Variants in BNC2 observed in about 807,000 individuals in gnomAD.
The protein encoded by BNC2 is basonuclin zinc finger protein 2.
A neutral mutation model predicts 76.3 loss-of-function variants in BNC2; 20 were observed. The ratio of observed to expected loss-of-function variants is 0.26; its 90% CI spans 0.18 to 0.38. BNC2 has a LOEUF of 0.38. BNC2 is among the 10% of genes least tolerant of loss of function. The probability of loss-of-function intolerance (pLI) is 1.00; values close to 1 mark genes in which losing one functional copy is unlikely to be tolerated. For synonymous variants in BNC2, 582 were observed against 514.8 expected (o/e 1.13, Z -1.77); for missense variants, 1,382 against 1,399.8 (o/e 0.99, Z 0.20).
intron 1 of BNC2, among the ~76,000 whole-genome samples, chr9:16,777,079 T>C (rs1825989442): frequency 1.3e-5 from 2 of 152,004 alleles, no homozygotes; most frequent in South Asian, 4.2e-4. Flanking sequence ...TGAGCCGAGA[T>C]GGCGCCACTA....
chr9:16,606,056 T>C (rs534638654), intron 3 of BNC2, among the ~76,000 whole-genome samples: 1 of 152,272 alleles, frequency 6.6e-6, no homozygotes, highest in East Asian at 1.9e-4. Flanking sequence ...GAACTTTTTT[T>C]AAACAAGCCA....
At chr9:16,832,620 G>A (rs150755419) in intron 1 of BNC2, among the ~76,000 whole-genome samples, 9 of 152,276 alleles carry the variant, frequency 5.9e-5, no homozygotes, top group Admixed American at 4.6e-4. Flanking sequence ...CATACAGCAC[G>A]TTAATTCCCA....
intron 4 of BNC2, among the ~76,000 whole-genome samples, chr9:16,563,714 T>C (rs933482080): frequency 1.3e-5 from 2 of 152,216 alleles, no homozygotes; most frequent in African/African-American, 2.4e-5. Flanking sequence ...GTTACAGCTG[T>C]AGAAATGAAA....
chr9:16,849,648 C>T (rs1267712185), intron 1 of BNC2, among the ~76,000 whole-genome samples: 1 of 152,146 alleles, frequency 6.6e-6, no homozygotes, highest in Non-Finnish European at 1.5e-5. Context: ...CGTGAGCCAC[C>T]GCACCTGACC....
At chr9:16,481,940 A>C (rs2131528860) in intron 5 of BNC2, among the ~76,000 whole-genome samples, 1 of 152,340 alleles carries the variant, frequency 6.6e-6, no homozygotes, top group East Asian at 1.9e-4. Flanking sequence ...CTTAGTACCA[A>C]CTTCACGGGA....
chr9:16,615,711 A>C (rs1248826899), intron 3 of BNC2, among the ~76,000 whole-genome samples: 1 of 152,204 alleles, frequency 6.6e-6, no homozygotes, highest in Non-Finnish European at 1.5e-5. Context: ...ATTTATATTA[A>C]ATAAATTTGT....
chr9:16,599,472 G>A (rs528783234), intron 3 of BNC2, among the ~76,000 whole-genome samples: 2 of 152,130 alleles, frequency 1.3e-5, no homozygotes, highest in East Asian at 3.9e-4. Context: ...CCCTCAACTT[G>A]TCTTTAAGTA....
chr9:16,680,574 TA>T (rs370833130), intron 3 of BNC2, among the ~76,000 whole-genome samples: 2,285 of 139,508 alleles, frequency 0.016, 28 homozygotes, highest in South Asian at 0.036. Flanking sequence ...TTTAAATGTT[TA>T]AAAAAAAAAA....
In BNC2 at chr9:16,738,480, G is replaced by C; in HGVS notation, c.9C>G (p.His3Gln). 6.2e-7 allele frequency: 1 copy of C among 1,613,970 alleles called. No homozygotes were observed. Among genetic ancestry groups the C allele is most frequent in the Non-Finnish European group, 8.5e-7 (1 of 1,179,936 alleles). ...TATGTGGAGGTGGGGTGGGCCCAAGGTGTGCCTATTGAGAGATTGGGAAAG... is the reference window on the plus strand; with the variant it reads ...TATGTGGAGGTGGGGTGGGCCCAAGCTGTGCCTATTGAGAGATTGGGAAAG... MA[H>Q]LGPTPPPHSL... is the part of the protein sequence containing the mutation. Residue 3 changes from histidine to glutamine, a missense_variant, in exon 2 of 7, where the codon CAC becomes CAG. His to Gln is a conservative substitution (Grantham distance 24). Around this residue, in one of 3 missense-constraint regions of BNC2, gnomAD observed 557 missense variants for 540.9 expected, o/e 1.03. Transcript: ENST00000380672.
intron 1 of BNC2, among the ~76,000 whole-genome samples, chr9:16,754,231 T>G (rs1825309536): frequency 6.6e-6 from 1 of 152,220 alleles, no homozygotes; most frequent in Non-Finnish European, 1.5e-5. Flanking sequence ...CAGCTCACAG[T>G]CAGTCATCAC....
intron 3 of BNC2, among the ~76,000 whole-genome samples, chr9:16,695,506 T>A (rs1434307680): frequency 6.6e-6 from 1 of 150,966 alleles, no homozygotes; most frequent in Non-Finnish European, 1.5e-5. Flanking sequence ...GAAGTGATTC[T>A]TTTTAGCTAA....
intron 3 of BNC2, among the ~76,000 whole-genome samples, chr9:16,694,107 C>T (rs532558583): frequency 2.0e-5 from 3 of 152,178 alleles, no homozygotes; most frequent in Admixed American, 6.5e-5. Context: ...AAAATACATC[C>T]GTCTGAGTTG....
At chr9:16,861,824 C>T (rs1239134312) in intron 1 of BNC2, among the ~76,000 whole-genome samples, 1 of 152,098 alleles carries the variant, frequency 6.6e-6, no homozygotes, top group Admixed American at 6.5e-5. Context: ...AACGTCTCTA[C>T]TAAAAATACA....
intron 1 of BNC2, among the ~76,000 whole-genome samples, chr9:16,774,216 G>A (rs182715418): frequency 8.1e-4 from 124 of 152,198 alleles, no homozygotes; most frequent in African/African-American, 2.8e-3. Flanking sequence ...GCCTGACCTC[G>A]AGTGATCGGC....
chr9:16,561,712 G>C (rs1451203249), intron 4 of BNC2, among the ~76,000 whole-genome samples: 1 of 152,158 alleles, frequency 6.6e-6, no homozygotes, highest in Non-Finnish European at 1.5e-5. Flanking sequence ...ATTATTAAAA[G>C]AATTAATAGG....
chr9:16,609,104 ACT>A (rs1159350337), intron 3 of BNC2, among the ~76,000 whole-genome samples: 1 of 152,058 alleles, frequency 6.6e-6, no homozygotes, highest in East Asian at 1.9e-4. Flanking sequence ...GGCTTGGCTA[ACT>A]CTGATCACTG....
chr9:16,648,815 A>C (rs182773972), intron 3 of BNC2, among the ~76,000 whole-genome samples: 3 of 152,272 alleles, frequency 2.0e-5, no homozygotes, highest in Admixed American at 2.0e-4. Context: ...ACTCATCTCC[A>C]TTTGCAATTC....
intron 5 of BNC2, among the ~76,000 whole-genome samples, chr9:16,484,302 A>C (rs1433444272): frequency 6.6e-6 from 1 of 152,186 alleles, no homozygotes; most frequent in Non-Finnish European, 1.5e-5. Flanking sequence ...TTTTTGACAC[A>C]CTGGAAAATG....
At chr9:16,696,828 C>T (rs1426836313) in intron 3 of BNC2, among the ~76,000 whole-genome samples, 1 of 152,170 alleles carries the variant, frequency 6.6e-6, no homozygotes, top group Non-Finnish European at 1.5e-5. Context: ...TTTATAGAAA[C>T]TCAAGATGCA....
Sources: gnomAD v4.1 joint callset for allele counts (sites outside exome capture counted in the v4.1 genomes callset) on GRCh38, gnomAD v4.1.1 for gene constraint, gnomAD v4.1.1 regional missense constraint, MANE v1.5 for transcripts, NCBI Gene and HGNC (gene_info 2026-07-23, HGNC 2026-07-21) for gene names.